The following SMC6 variants were observed in gnomAD, a reference collection of about 807,000 sequenced individuals.
The protein encoded by SMC6 is structural maintenance of chromosomes protein 6.
In SMC6, 79 loss-of-function variants were observed where a neutral mutation model predicts 142.2. That is an observed-to-expected ratio of 0.56 (90% CI 0.46 to 0.67). The LOEUF is 0.67. Among genes scored for constraint, SMC6 ranks in the 30% least tolerant of loss-of-function variants. SMC6 has a pLI of 0.00. For missense variants in SMC6, 1,072 were observed against 1,284.0 expected (o/e 0.83, Z 2.52); for synonymous variants, 411 against 412.4 (o/e 1.00, Z 0.04).
rs1669001394 is a variant in SMC6, at chr2:17,714,863, G to C, written c.1728C>G (p.His576Gln). ...ATATTCAATTACTAATGCCTTACCTGTGTCTTACATCATATATCTCATTCC... is the reference window on the plus strand; with the variant it reads ...ATATTCAATTACTAATGCCTTACCTCTGTCTTACATCATATATCTCATTCC... ...EFRNEIYDVR[H>Q]RAAYHPDFPT... The change falls in exon 16 of 28, where the codon CAC becomes CAG. Residue 576 changes from histidine (H) to glutamine (Q), a missense_variant and splice_region_variant. His to Gln is a conservative substitution (Grantham distance 24). Coordinates refer to ENST00000448223, the MANE Select transcript of SMC6 (RefSeq NM_001142286.2). The C allele has an allele frequency of 6.8e-6, 11 of 1,611,278 alleles. No homozygotes were observed. The highest frequency in any genetic ancestry group is 9.3e-6 in the Non-Finnish European group (11 of 1,179,338).
rs753193321 is a variant in SMC6 at position 17,714,978 on chromosome 2, T to C, written c.1613A>G (p.Asn538Ser). The part of the protein sequence containing the change: ...KGLLQAYCCH[N>S]HADERVLQAL... ...CTGAAGGACCCTTTCATCAGCATGA[T>C]TATGGCAACAATAGGCCTGCAGAAG... The change falls in exon 16 of 28, where the codon AAT becomes AGT. Residue 538 changes from asparagine to serine, a missense_variant. Coordinates refer to ENST00000448223, the MANE Select transcript of SMC6 (RefSeq NM_001142286.2). The C allele has an allele frequency of 6.2e-7, 1 of 1,613,916 alleles. No individual in the cohort carries two copies. The highest frequency in any genetic ancestry group is 1.3e-5 in the African/African-American group (1 of 74,926).
In SMC6 at chr2:17,696,328, T is replaced by C. The variant is rs775412980; in HGVS notation, c.2493A>G (p.Lys831=). Residue 831 remains lysine (K), a synonymous_variant, in exon 22 of 28, where the codon AAA becomes AAG. Transcript: ENST00000448223. ...KQKEHLDTLN[K]KKRELDMKEK... ...CTTTCATATCCAGTTCTCGTTTCTTTTTATTTAAGGTATCCAAGTGTTCTT... is the reference window on the plus strand; with the variant it reads ...CTTTCATATCCAGTTCTCGTTTCTTCTTATTTAAGGTATCCAAGTGTTCTT... The C allele has an allele frequency of 3.1e-6, 5 of 1,602,146 alleles. No individual in the cohort carries two copies. Among genetic ancestry groups the C allele is most frequent in the Non-Finnish European group, 4.2e-6 (5 of 1,177,584 alleles).
chr2:17,691,542 T>C (rs942557452), intron 23 of SMC6, among the ~76,000 whole-genome samples: 10 of 151,642 alleles, frequency 6.6e-5, no homozygotes, highest in Non-Finnish European at 1.0e-4. Flanking sequence ...TCTCAATAAA[T>C]TAGGTATTGA....
At chr2:17,718,314 A>T (rs1558359832) in intron 11 of SMC6, 91 bp from the exon 12 acceptor site, 10 of 809,142 alleles carry the variant, frequency 1.2e-5, no homozygotes, top group Admixed American at 3.6e-5. Flanking sequence ...ACCAATAATA[A>T]ATTTAACTTC....
At chr2:17,720,899 T>A (rs776928314) in intron 11 of SMC6, 41 bp downstream of exon 11, 13 of 1,493,552 alleles carry the variant, frequency 8.7e-6, no homozygotes, top group Non-Finnish European at 1.2e-5. Flanking sequence ...TAATTTCATA[T>A]GATTCAACCT....
intron 16 of SMC6, among the ~76,000 whole-genome samples, chr2:17,714,100 T>C (rs1313018625): frequency 2.6e-5 from 4 of 151,562 alleles, no homozygotes; most frequent in Non-Finnish European, 5.9e-5. Context: ...TTGTTTTTTT[T>C]TTTTTTGAGA....
intron 20 of SMC6, 95 bp from the exon 21 acceptor site, chr2:17,700,473 TA>T: frequency 1.1e-6 from 1 of 948,432 alleles, no homozygotes; most frequent in Non-Finnish European, 1.5e-6. Context: ...GGAGAAACTA[TA>T]GGCTATATGC....
At chr2:17,696,221 G>C in intron 22 of SMC6, 68 bp downstream of exon 22, 1 of 1,526,734 alleles carries the variant, frequency 6.5e-7, no homozygotes, top group Non-Finnish European at 8.8e-7. Context: ...ATGACATTAG[G>C]GAAAACACAC....
At chr2:17,702,263 C>A (rs952018729) in intron 19 of SMC6, among the ~76,000 whole-genome samples, 5 of 152,110 alleles carry the variant, frequency 3.3e-5, no homozygotes, top group African/African-American at 1.2e-4. Flanking sequence ...TCCAAGTAAG[C>A]TGTGGGGGTT....
chr2:17,746,483 A>G (rs919576989), intron 2 of SMC6: 1 of 152,216 alleles, frequency 6.6e-6, no homozygotes, highest in African/African-American at 2.4e-5. Flanking sequence ...CACAATTTTC[A>G]CAAGTTATAA....
In SMC6 at chr2:17,721,000, A is replaced by T; in HGVS notation, c.885T>A (p.Asp295Glu). ...EIEKQLNAIR[D>E]NIKIGEDRAA... ...CACGATCTTCTCCAATTTTGATATTATCTCTGATGGCATTCAATTGTTTTT... is the reference window on the plus strand; with the variant it reads ...CACGATCTTCTCCAATTTTGATATTTTCTCTGATGGCATTCAATTGTTTTT... Residue 295 changes from aspartate to glutamate, a missense_variant, in exon 11 of 28, where the codon GAT (aspartate) becomes GAA (glutamate). Physicochemically the swap from Asp to Glu is conservative, Grantham distance 45. Coordinates refer to ENST00000448223, the MANE Select transcript of SMC6 (RefSeq NM_001142286.2). The T allele has an allele frequency of 5.0e-6, 8 of 1,613,754 alleles. No individual in the cohort carries two copies. The highest frequency in any genetic ancestry group is 5.1e-6 in the Non-Finnish European group (6 of 1,179,886).
chr2:17,717,084 C>CT lies in SMC6; in HGVS notation c.1181+3dup. 1 of 1,609,030 alleles carries CT rather than the reference C, an allele frequency of 6.2e-7. No individual in the cohort carries two copies. The highest frequency in any genetic ancestry group is 2.2e-5 in the East Asian group (1 of 44,696). On this transcript the variant is annotated splice_donor_region_variant and intron_variant, in intron 13 of 27. Coordinates refer to ENST00000448223, the MANE Select transcript of SMC6 (RefSeq NM_001142286.2). ...CCATGAAAATTTCAAAGTAACTACC[C>CT]TACCTTTTTTTCAGCTCTTCAATTC... is the stretch of plus-strand genomic sequence containing the variant.
At chr2:17,746,058 C>T in intron 2 of SMC6, 107 bp from the exon 3 acceptor site, 1 of 1,077,976 alleles carries the variant, frequency 9.3e-7, no homozygotes, top group East Asian at 3.0e-5. Context: ...CTATGTCCAT[C>T]CATTTTTACC....
In SMC6 at chr2:17,698,421, A is replaced by G. The variant is rs374373041; in HGVS notation, c.2394+1787T>C. ...TACAGCTCTAATATTTGTTGCACACATATTTAGAATTGCTATGTATTTTTG... is the reference window on the plus strand; with the variant it reads ...TACAGCTCTAATATTTGTTGCACACGTATTTAGAATTGCTATGTATTTTTG... On this transcript the variant is annotated intron_variant, in intron 21 of 27. Transcript: ENST00000448223. Among the ~76,000 whole-genome samples the G allele has an allele frequency of 3.3e-5, 5 of 152,150 alleles. No individual in the cohort carries two copies. In the East Asian group the frequency reaches 5.8e-4, roughly 18 times the overall value.
chr2:17,668,208 G>T (rs1284876724), intron 26 of SMC6, among the ~76,000 whole-genome samples: 1 of 152,174 alleles, frequency 6.6e-6, no homozygotes, highest in African/African-American at 2.4e-5. Flanking sequence ...TGATAAGACT[G>T]CACAGCACCA....
chr2:17,743,717 C>T (rs142421785), intron 3 of SMC6, among the ~76,000 whole-genome samples: 385 of 152,174 alleles, frequency 2.5e-3, no homozygotes, highest in African/African-American at 7.4e-3. Flanking sequence ...ATTTTTACTG[C>T]GCTAAAAATC....
rs370930644 is a variant in SMC6 at position 17,665,645 on chromosome 2, C to A, written c.3162-32G>T. On this transcript the variant is annotated intron_variant, in intron 27 of 27. Transcript: ENST00000448223. ...GAAGCAAAATCAATTACTCAAATTT[C>A]CAAGAAACCTTTTACCAATTAAAAA... 4 of 1,372,378 alleles carry A rather than the reference C, an allele frequency of 2.9e-6. No individual in the cohort carries two copies. In the African/African-American group the frequency reaches 5.8e-5, roughly 20 times the overall value. 85.0% of individuals were successfully genotyped at this position (1,372,378 alleles called of 1,614,324 possible). A position where few individuals can be genotyped will look rare whatever the true frequency, so the allele number is the denominator to read the frequency against.
intron 11 of SMC6, among the ~76,000 whole-genome samples, chr2:17,720,417 A>C (rs1669311810): frequency 6.6e-6 from 1 of 152,144 alleles, no homozygotes; most frequent in Non-Finnish European, 1.5e-5. Context: ...TAACAGACCT[A>C]ACAATGAATC....
At chr2:17,710,925 G>T (rs1237414602) in intron 16 of SMC6, among the ~76,000 whole-genome samples, 1 of 152,148 alleles carries the variant, frequency 6.6e-6, no homozygotes, top group Non-Finnish European at 1.5e-5. Context: ...TTAGGACAGA[G>T]TTCAGGTGGA....
Sources: allele counts gnomAD v4.1 joint callset (sites outside exome capture counted in the v4.1 genomes callset), GRCh38; gene constraint gnomAD v4.1.1; transcripts MANE v1.5; gene names NCBI Gene and HGNC (gene_info 2026-07-23, HGNC 2026-07-21).